DNAJC5B: variants seen among roughly 807,000 people sequenced by gnomAD.
DNAJC5B encodes the protein DnaJ heat shock protein family (Hsp40) member C5 beta, also known as dnaJ homolog subfamily C member 5B.
In DNAJC5B, 23 loss-of-function variants were observed where a neutral mutation model predicts 24.7. The ratio of observed to expected loss-of-function variants is 0.93; its 90% CI spans 0.67 to 1.32. The LOEUF (loss-of-function observed/expected upper bound fraction) is 1.32, where lower values mean the gene tolerates loss of function less well. Ranked by LOEUF, DNAJC5B falls within the 40% of genes most tolerant of loss-of-function variation. The pLI, the probability that DNAJC5B is intolerant of heterozygous loss-of-function variation, is 0.00. For missense variants in DNAJC5B, 238 were observed against 240.8 expected, an observed-to-expected ratio of 0.99 and a Z score of 0.08; for synonymous variants, 101 against 90.1, an observed-to-expected ratio of 1.12 and a Z score of -0.68.
intron 1 of DNAJC5B, among the ~76,000 whole-genome samples, chr8:66,040,826 T>A (rs1285248487): frequency 6.6e-6 from 1 of 152,264 alleles, no homozygotes; most frequent in East Asian, 1.9e-4. Context: ...TCGATAATTC[T>A]ATGTTTTATA....
At chr8:66,054,382 C>T (rs184107869) in intron 3 of DNAJC5B, among the ~76,000 whole-genome samples, 80 of 152,308 alleles carry the variant, frequency 5.3e-4, no homozygotes, top group African/African-American at 1.8e-3. Flanking sequence ...TTCACCGTAT[C>T]TTCTTCTAGC....
At chr8:66,020,826 T>G (rs531123568), upstream of DNAJC5B, among the ~76,000 whole-genome samples, 6 of 152,052 alleles carry the variant, frequency 3.9e-5, no homozygotes, top group Non-Finnish European at 5.9e-5. Context: ...TTTGTAGAGA[T>G]AGGGTCTCAC....
chr8:66,028,909 C>T (rs1806303093), intron 1 of DNAJC5B, among the ~76,000 whole-genome samples: 1 of 152,154 alleles, frequency 6.6e-6, no homozygotes, highest in Non-Finnish European at 1.5e-5. Context: ...TTTTCAAGGC[C>T]TCTCACCTTC....
At chr8:66,029,483 A>T (rs186693152) in intron 1 of DNAJC5B, among the ~76,000 whole-genome samples, 1 of 152,300 alleles carries the variant, frequency 6.6e-6, no homozygotes, top group East Asian at 1.9e-4. Flanking sequence ...GGCAAGTTTG[A>T]AGAGTTATCA....
chr8:66,022,993 C>T (rs1806172091), intron 1 of DNAJC5B, among the ~76,000 whole-genome samples: 1 of 152,204 alleles, frequency 6.6e-6, no homozygotes, highest in Non-Finnish European at 1.5e-5. Flanking sequence ...TCTCCATTTG[C>T]ATTTGTTGAC....
At chr8:66,087,252 A>G (rs1342901464) in intron 5 of DNAJC5B, among the ~76,000 whole-genome samples, 1 of 152,150 alleles carries the variant, frequency 6.6e-6, no homozygotes, top group Admixed American at 6.5e-5. Context: ...ACACTTTTAA[A>G]CTTTCAGATC....
chr8:66,058,653 A>C lies in DNAJC5B; in HGVS notation c.119+6987A>C, dbSNP rs538482545. Among the ~76,000 whole-genome samples, 9 of 152,366 alleles carry C rather than the reference A, an allele frequency of 5.9e-5. No individual in the cohort carries two copies. The East Asian group carries it at 1.7e-3, about 29-fold the overall frequency. On this transcript the variant is annotated intron_variant, in intron 3 of 5. Coordinates refer to ENST00000276570, the MANE Select transcript of DNAJC5B (RefSeq NM_033105.6). ...AGAATTAACCATAAAGCAGCCTCAA[A>C]GACCTATCTCAGTCCCTCCTGTGTC...
At chr8:66,048,003 T>G (rs1448273009) in intron 2 of DNAJC5B, among the ~76,000 whole-genome samples, 2 of 152,194 alleles carry the variant, frequency 1.3e-5, no homozygotes, top group South Asian at 2.1e-4. Context: ...AGAGCTTTAG[T>G]GTCCACCCTT....
chr8:66,094,997 A>G lies in DNAJC5B; in HGVS notation c.506-4940A>G, dbSNP rs540394201. ...TATTGACTATTGTATTATTTGATGAAATGAGCTGGTCAATATTTTGTTTTA... is the reference window on the plus strand; with the variant it reads ...TATTGACTATTGTATTATTTGATGAGATGAGCTGGTCAATATTTTGTTTTA... On this transcript the variant is annotated intron_variant, in intron 5 of 5. Transcript: ENST00000276570. Among the ~76,000 whole-genome samples, 12 of 152,208 alleles carry G rather than the reference A, an allele frequency of 7.9e-5. No homozygotes were observed. The East Asian group carries it at 2.3e-3, about 29-fold the overall frequency.
chr8:66,052,293 C>T (rs1443023516), intron 3 of DNAJC5B, among the ~76,000 whole-genome samples: 1 of 152,052 alleles, frequency 6.6e-6, no homozygotes. Flanking sequence ...TATAGCATCA[C>T]TGAGTCAGAG....
In DNAJC5B at chr8:66,039,451, C is replaced by T. The variant is rs144334533; in HGVS notation, c.-141-4037C>T. Among the ~76,000 whole-genome samples, 1,039 of 151,148 alleles carry T rather than the reference C, an allele frequency of 6.9e-3. 3 individuals carry two copies. Among genetic ancestry groups the T allele is most frequent in the Non-Finnish European group, 0.011 (772 of 67,890 alleles). The stretch of plus-strand genomic sequence containing the variant: ...GCAACCTCTGCCTCCTGGGCTCAAG[C>T]GATTCTCCTGCCTCAGCCTCCTGAG... On this transcript the variant is annotated intron_variant, in intron 1 of 5. Coordinates refer to ENST00000276570, the MANE Select transcript of DNAJC5B (RefSeq NM_033105.6).
intron 3 of DNAJC5B, among the ~76,000 whole-genome samples, chr8:66,070,331 T>C (rs1807318519): frequency 6.6e-6 from 1 of 152,166 alleles, no homozygotes. Flanking sequence ...GCCCCAAATC[T>C]CCTTAAGCTG....
intron 3 of DNAJC5B, among the ~76,000 whole-genome samples, chr8:66,065,723 G>C (rs73691276): frequency 0.055 from 8,306 of 152,216 alleles, 308 homozygotes; most frequent in African/African-American, 0.09. Context: ...CTTTGTTGGT[G>C]CTTGGGTGCT....
chr8:66,097,232 G>A (rs1807973453), intron 5 of DNAJC5B, among the ~76,000 whole-genome samples: 1 of 148,980 alleles, frequency 6.7e-6, no homozygotes, highest in African/African-American at 2.5e-5. Context: ...AATTGTCAGA[G>A]TGTCTTTTCT....
chr8:66,027,569 G>GA (rs55818650), intron 1 of DNAJC5B, among the ~76,000 whole-genome samples: 71,375 of 152,042 alleles, frequency 0.47, 21,522 homozygotes, highest in African/African-American at 0.86. Flanking sequence ...CAATATTGTT[G>GA]TCACAAAAGG....
chr8:66,071,951 A>C (rs1050181571), intron 3 of DNAJC5B, among the ~76,000 whole-genome samples: 6 of 151,974 alleles, frequency 3.9e-5, no homozygotes, highest in African/African-American at 1.4e-4. Context: ...TCACAAGGAC[A>C]GAAAACCAAA....
intron 1 of DNAJC5B, among the ~76,000 whole-genome samples, chr8:66,038,414 TTAAGA>T (rs1166564847): frequency 3.3e-5 from 5 of 152,202 alleles, no homozygotes; most frequent in African/African-American, 1.2e-4. Flanking sequence ...TTATTTAGAG[TTAAGA>T]TAAAGATATA....
intron 4 of DNAJC5B, among the ~76,000 whole-genome samples, chr8:66,079,976 G>A (rs1807556091): frequency 6.6e-6 from 1 of 152,110 alleles, no homozygotes; most frequent in African/African-American, 2.4e-5. Context: ...TCATTCTGGT[G>A]AGAATGATTC....
intron 3 of DNAJC5B, among the ~76,000 whole-genome samples, chr8:66,065,868 A>G (rs557770864): frequency 2.0e-5 from 3 of 152,116 alleles, no homozygotes; most frequent in African/African-American, 4.8e-5. Flanking sequence ...TTACGGGTCT[A>G]GTTATGTCAT....
Sources: allele counts gnomAD v4.1 joint callset (sites outside exome capture counted in the v4.1 genomes callset), GRCh38; gene constraint gnomAD v4.1.1; transcripts MANE v1.5; gene names NCBI Gene and HGNC (gene_info 2026-07-23, HGNC 2026-07-21).